SNTG2: variants seen among roughly 807,000 people sequenced by gnomAD.
The protein encoded by SNTG2 is syntrophin gamma 2, also known as gamma-2-syntrophin.
In SNTG2, 74 loss-of-function variants were observed where a neutral mutation model predicts 70.9. The ratio of observed to expected loss-of-function variants is 1.04; its 90% CI spans 0.86 to 1.27. SNTG2 has a LOEUF of 1.27. Among genes scored for constraint, SNTG2 ranks in the 50% most tolerant of loss-of-function variants. The pLI is 0.00. For synonymous variants in SNTG2, 278 were observed against 273.8 expected, an observed-to-expected ratio of 1.02 and a Z score of -0.15; for missense variants, 717 against 690.7, an observed-to-expected ratio of 1.04 and a Z score of -0.43.
intron 1 of SNTG2, among the ~76,000 whole-genome samples, chr2:1,036,786 A>G (rs908057081): frequency 7.9e-5 from 12 of 152,242 alleles, no homozygotes; most frequent in Non-Finnish European, 1.3e-4. Context: ...ACTGTCTGCA[A>G]TATTCCCCTT....
At chr2:1,211,949 A>G (rs776172160) in intron 9 of SNTG2, among the ~76,000 whole-genome samples, 1 of 152,206 alleles carries the variant, frequency 6.6e-6, no homozygotes, top group Non-Finnish European at 1.5e-5. Flanking sequence ...CCACTAAGCC[A>G]TTCATACCAC....
chr2:1,201,211 A>G (rs1673254323), intron 8 of SNTG2, among the ~76,000 whole-genome samples: 1 of 152,066 alleles, frequency 6.6e-6, no homozygotes, highest in Non-Finnish European at 1.5e-5. Flanking sequence ...AATACTATTC[A>G]ACCATAAAAT....
chr2:1,069,759 G>A (rs1663401647), intron 1 of SNTG2, among the ~76,000 whole-genome samples: 1 of 152,022 alleles, frequency 6.6e-6, no homozygotes, highest in South Asian at 2.1e-4. Context: ...CCACTGCACT[G>A]CAGCCTGGCG....
intron 4 of SNTG2, among the ~76,000 whole-genome samples, chr2:1,133,412 A>G (rs1291179295): frequency 6.6e-6 from 1 of 152,210 alleles, no homozygotes; most frequent in African/African-American, 2.4e-5. Context: ...TAACCCTATA[A>G]TTACTTTATC....
chr2:1,106,405 C>T, intron 4 of SNTG2, among the ~76,000 whole-genome samples: 1 of 123,706 alleles, frequency 8.1e-6, no homozygotes, highest in African/African-American at 3.1e-5. Context: ...CACTCGGGTG[C>T]AGGGTGTGGA....
chr2:1,347,122 C>A (rs1255140244), intron 16 of SNTG2, among the ~76,000 whole-genome samples: 1 of 152,136 alleles, frequency 6.6e-6, no homozygotes, highest in Non-Finnish European at 1.5e-5. Context: ...GTACTCGGAA[C>A]AGGAAGGTGA....
intron 2 of SNTG2, among the ~76,000 whole-genome samples, chr2:1,089,695 A>G (rs1429412603): frequency 6.6e-6 from 1 of 152,250 alleles, no homozygotes; most frequent in African/African-American, 2.4e-5. Context: ...ACACAAAAGC[A>G]CACTTTATAA....
intron 1 of SNTG2, among the ~76,000 whole-genome samples, chr2:1,002,954 G>C (rs1445639699): frequency 1.3e-5 from 2 of 151,832 alleles, no homozygotes; most frequent in Admixed American, 1.3e-4. Context: ...CAGCAACATG[G>C]ATGGAAGTGG....
At chr2:962,149 T>C (rs1047737558) in intron 1 of SNTG2, among the ~76,000 whole-genome samples, 2 of 152,188 alleles carry the variant, frequency 1.3e-5, no homozygotes, top group Non-Finnish European at 1.5e-5. Context: ...ACTGCAGCCT[T>C]GAACTCCCCA....
At chr2:1,281,902 T>G (rs2148208496) in intron 14 of SNTG2, among the ~76,000 whole-genome samples, 1 of 152,224 alleles carries the variant, frequency 6.6e-6, no homozygotes, top group East Asian at 1.9e-4. Context: ...CCCCCGTCCG[T>G]GTCTCCTCAA....
intron 15 of SNTG2, among the ~76,000 whole-genome samples, chr2:1,311,591 C>T (rs938592885): frequency 4.6e-5 from 7 of 151,870 alleles, no homozygotes; most frequent in African/African-American, 7.3e-5. Context: ...AGTAGGCTTT[C>T]GATTATTTGT....
intron 16 of SNTG2, among the ~76,000 whole-genome samples, chr2:1,351,401 G>A (rs1312275700): frequency 6.6e-6 from 1 of 152,120 alleles, no homozygotes; most frequent in African/African-American, 2.4e-5. Context: ...TTGCTGAAGG[G>A]GAAACGGTGG....
chr2:1,000,111 A>T (rs1375111528), intron 1 of SNTG2, among the ~76,000 whole-genome samples: 1 of 152,048 alleles, frequency 6.6e-6, no homozygotes, highest in South Asian at 2.1e-4. Flanking sequence ...AACATACCAA[A>T]ATATCTGGGA....
intron 15 of SNTG2, among the ~76,000 whole-genome samples, chr2:1,309,120 GTTAA>G (rs1680854304): frequency 1.3e-5 from 2 of 152,182 alleles, no homozygotes; most frequent in Admixed American, 6.5e-5. Context: ...TACTCTCTGT[GTTAA>G]TTAAGAATGA....
At chr2:1,322,923 A>C (rs1681596740) in intron 16 of SNTG2, among the ~76,000 whole-genome samples, 1 of 152,162 alleles carries the variant, frequency 6.6e-6, no homozygotes, top group Non-Finnish European at 1.5e-5. Context: ...CCAAGCAGGA[A>C]GTGCCGCCGC....
chr2:1,341,745 C>A (rs765405838), intron 16 of SNTG2: 1 of 152,194 alleles, frequency 6.6e-6, no homozygotes, highest in Non-Finnish European at 1.5e-5. Context: ...GACCTTGATT[C>A]CGAGGCAGCT....
chr2:1,228,409 T>A (rs189716146), intron 9 of SNTG2, among the ~76,000 whole-genome samples: 2 of 152,344 alleles, frequency 1.3e-5, no homozygotes, highest in African/African-American at 4.8e-5. Flanking sequence ...TCAGCACAGC[T>A]GTCCAGCCCC....
Position 1,083,576 on chromosome 2 carries a change from G to A in SNTG2, c.131G>A (p.Arg44Gln), listed in dbSNP as rs201970591. 137 of 1,613,682 alleles carry A rather than the reference G, an allele frequency of 8.5e-5. No individual in the cohort carries two copies. Among genetic ancestry groups the A allele is most frequent in the Admixed American group, 3.7e-4 (22 of 60,010 alleles). ...GAGTCCGAAAATGCCTATGACATCCGGCTGAAGCTGACGAAAGAGGTGCTG... is the reference window on the plus strand; with the variant it reads ...GAGTCCGAAAATGCCTATGACATCCAGCTGAAGCTGACGAAAGAGGTGCTG... ...DEESENAYDI[R>Q]LKLTKEVLTI... Residue 44 changes from arginine (R) to glutamine (Q), a missense_variant, in exon 2 of 17, where the codon CGG becomes CAG. Coordinates refer to ENST00000308624, the MANE Select transcript of SNTG2 (RefSeq NM_018968.4).
intron 4 of SNTG2, among the ~76,000 whole-genome samples, chr2:1,119,552 G>GGTT (rs1553332555): frequency 2.1e-5 from 3 of 140,506 alleles, no homozygotes; most frequent in Non-Finnish European, 3.1e-5. Context: ...TTAAAGGCTC[G>GGTT]TTTTTTTTTT....
Sources: gnomAD v4.1 joint callset for allele counts (sites outside exome capture counted in the v4.1 genomes callset) on GRCh38, gnomAD v4.1.1 for gene constraint, MANE v1.5 for transcripts, NCBI Gene and HGNC (gene_info 2026-07-23, HGNC 2026-07-21) for gene names.